Variants in CCPG1 observed in about 807,000 individuals in gnomAD.
CCPG1 encodes cell cycle progression 1, also known as cell cycle progression protein 1.
Under a neutral mutation model 81.3 loss-of-function variants are expected in CCPG1, and 46 were observed. The ratio of observed to expected loss-of-function variants is 0.57; its 90% CI spans 0.45 to 0.72. The LOEUF is 0.72. Ranked by LOEUF, CCPG1 falls within the 30% of genes least tolerant of loss-of-function variation. CCPG1 has a pLI of 0.00. For synonymous variants in CCPG1, 330 were observed against 305.2 expected (o/e 1.08, Z -0.85); for missense variants, 902 against 937.6 (o/e 0.96, Z 0.50).
rs191041675 is a variant in CCPG1, at chr15:55,360,906, A to G, written c.867T>C (p.Thr289=). Residue 289 remains threonine, a synonymous_variant, in exon 8 of 9, where the codon ACT becomes ACC. Coordinates refer to ENST00000442196, the MANE Select transcript of CCPG1 (RefSeq NM_001204450.2). The stretch of plus-strand genomic sequence containing the variant: ...TTTCAAAGGACATCTTCTCTGCTTC[A>G]GTAAGTGTCCAACACCTTGCAAGAT... ...KENLARCWTL[T]EAEKMSFETQ... is the part of the protein sequence containing the mutation. The G allele has an allele frequency of 1.2e-5, 19 of 1,587,718 alleles. No homozygotes were observed. The Admixed American group carries it at 3.4e-4, about 28-fold the overall frequency.
intron 1 of CCPG1, among the ~76,000 whole-genome samples, chr15:55,395,557 C>G (rs1214766997): frequency 6.6e-6 from 1 of 152,074 alleles, no homozygotes; most frequent in Non-Finnish European, 1.5e-5. Context: ...TTGGCTTTGT[C>G]TTTACTCCAG....
intron 3 of CCPG1, among the ~76,000 whole-genome samples, chr15:55,384,393 C>G (rs961539646): frequency 6.6e-6 from 1 of 152,210 alleles, no homozygotes; most frequent in Admixed American, 6.5e-5. Flanking sequence ...GGCGCAGTGG[C>G]TCACGCCTGT....
At position 55,402,167 on chromosome 15, in the gene CCPG1, T is replaced by G. The variant is rs572275302; in HGVS notation, c.-10+6054A>C. 1.4e-4 allele frequency among the ~76,000 whole-genome samples: 21 copies of G among 152,352 alleles called. No individual in the cohort carries two copies. The East Asian group carries it at 3.7e-3, about 27-fold the overall frequency. Reference sequence around the variant, plus strand: ...TTTTTTCCTTGAGCTACTTTATTAATTAGTATTAAGTTCAAAGTTTTGATA... The same window carrying G: ...TTTTTTCCTTGAGCTACTTTATTAAGTAGTATTAAGTTCAAAGTTTTGATA... On this transcript the variant is annotated intron_variant, in intron 1 of 8. Coordinates refer to ENST00000442196, the MANE Select transcript of CCPG1 (RefSeq NM_001204450.2).
intron 1 of CCPG1, among the ~76,000 whole-genome samples, chr15:55,400,096 A>C (rs2057098251): frequency 6.7e-6 from 1 of 149,460 alleles, no homozygotes; most frequent in Non-Finnish European, 1.5e-5. Context: ...AATCCCAGCT[A>C]CTCGGGAGGC....
intron 1 of CCPG1, among the ~76,000 whole-genome samples, chr15:55,395,826 C>A (rs917974830): frequency 6.6e-6 from 1 of 152,106 alleles, no homozygotes; most frequent in African/African-American, 2.4e-5. Context: ...AAGGTAACCA[C>A]GTCTGGGTGA....
In CCPG1 at chr15:55,360,735, T is replaced by C; in HGVS notation, c.1038A>G (p.Glu346=). The stretch of plus-strand genomic sequence containing the variant: ...TAAGTTTCTGATTTTCTTTAACTAA[T>C]TCAGTACTTGTCCCTTTATCTTCCA... The part of the protein sequence containing the change: ...RILEDKGTST[E]LVKENQKLKQ... Residue 346 remains glutamate (E), a synonymous_variant, in exon 8 of 9, where the codon GAA becomes GAG. Transcript: ENST00000442196. The C allele has an allele frequency of 6.2e-7, 1 of 1,612,110 alleles. No individual in the cohort carries two copies. Among genetic ancestry groups the C allele is most frequent in the South Asian group, 1.1e-5 (1 of 90,536 alleles).
At chr15:55,407,671 G>A (rs1280747701) in intron 1 of CCPG1, among the ~76,000 whole-genome samples, 2 of 152,204 alleles carry the variant, frequency 1.3e-5, no homozygotes, top group African/African-American at 2.4e-5. Context: ...GGAGGCCACT[G>A]GAACTGGAGA....
chr15:55,357,962 TTGTG>T (rs2056116346), intron 8 of CCPG1: 1 of 152,278 alleles, frequency 6.6e-6, no homozygotes, highest in South Asian at 2.1e-4. Context: ...CATCCTTTTC[TTGTG>T]TATTTACACT....
intron 2 of CCPG1, among the ~76,000 whole-genome samples, chr15:55,386,944 T>C (rs1313438899): frequency 6.6e-6 from 1 of 151,388 alleles, no homozygotes; most frequent in East Asian, 1.9e-4. Flanking sequence ...TGAGCCCTAA[T>C]GAGAATTCGG....
intron 8 of CCPG1, chr15:55,357,587 C>A (rs184041137): frequency 1.9e-4 from 43 of 227,248 alleles, no homozygotes; most frequent in African/African-American, 9.1e-4. Flanking sequence ...CAGTGGCTCA[C>A]GACTGTAATC....
rs753198827 is a variant in CCPG1 at position 55,359,896 on chromosome 15, C to G, written c.1877G>C (p.Arg626Thr). The change falls in exon 8 of 9, where the codon AGA becomes ACA. Residue 626 changes from arginine to threonine, a missense_variant. Physicochemically the swap from Arg to Thr is moderately conservative, Grantham distance 71 (BLOSUM62 -1). This residue lies in a region of CCPG1 where 746 missense variants were observed against 728.6 expected (regional missense o/e 1.02). Coordinates refer to ENST00000442196, the MANE Select transcript of CCPG1 (RefSeq NM_001204450.2). ...ATCAAATACACCAGAACAAGCCTTTCTGAAAGAATGAGAATTTTCTCTACA... is the reference window on the plus strand; with the variant it reads ...ATCAAATACACCAGAACAAGCCTTTGTGAAAGAATGAGAATTTTCTCTACA... ...HDCRENSHSFRKACSGVFDCA... is the reference protein window; with the variant it reads ...HDCRENSHSFTKACSGVFDCA... 1.2e-6 allele frequency: 2 copies of G among 1,613,792 alleles called. No individual in the cohort carries two copies. The highest frequency in any genetic ancestry group is 1.7e-6 in the Non-Finnish European group (2 of 1,179,974).
At chr15:55,400,203 CAAAAAA>C (rs61331208) in intron 1 of CCPG1, among the ~76,000 whole-genome samples, 2 of 32,952 alleles carry the variant, frequency 6.1e-5, no homozygotes, top group Admixed American at 4.6e-4. Flanking sequence ...TACTCTACCT[CAAAAAA>C]AAAAAAAAAA....
At chr15:55,363,589 C>G (rs1238016348) in intron 7 of CCPG1, among the ~76,000 whole-genome samples, 2 of 150,384 alleles carry the variant, frequency 1.3e-5, no homozygotes, top group African/African-American at 4.9e-5. Context: ...TGCCGCCAGT[C>G]TCCTCTGATG....
Position 55,374,124 on chromosome 15 carries a change from T to G in CCPG1, c.455-2080A>C, listed in dbSNP as rs1027081876. ...AAATGTGACTAGGCACACTCAGCTC[T>G]AGAGAAGCTGGTCAGATTTAGTCAC... On this transcript the variant is annotated intron_variant, in intron 5 of 8. Coordinates refer to ENST00000442196, the MANE Select transcript of CCPG1 (RefSeq NM_001204450.2). 2.5e-6 allele frequency: 3 copies of G among 1,204,140 alleles called. No homozygotes were observed. In the African/African-American group the frequency reaches 4.7e-5, roughly 19 times the overall value. 74.6% of individuals were successfully genotyped at this position (1,204,140 alleles called of 1,614,324 possible).
chr15:55,370,887 A>C (rs868241495), intron 6 of CCPG1, among the ~76,000 whole-genome samples: 1 of 81,552 alleles, frequency 1.2e-5, no homozygotes, highest in Non-Finnish European at 2.2e-5. Context: ...AAAAAAAAGA[A>C]AAAAAAAAAA....
chr15:55,355,510 A>T lies in CCPG1; in HGVS notation c.*710T>A. The T allele has an allele frequency of 8.4e-7, 1 of 1,197,170 alleles. No homozygotes were observed. 74.2% of individuals were successfully genotyped at this position (1,197,170 alleles called of 1,614,324 possible). Reference sequence around the variant, plus strand: ...AATACTTCGGTAAACACTGGGTAAGATTCATGGAACTTAGAAAAAAGCTGT... The same window carrying T: ...AATACTTCGGTAAACACTGGGTAAGTTTCATGGAACTTAGAAAAAAGCTGT... On this transcript the variant is annotated 3_prime_UTR_variant, in exon 9 of 9. Coordinates refer to ENST00000442196, the MANE Select transcript of CCPG1 (RefSeq NM_001204450.2).
At chr15:55,361,242 A>G (rs772991489) in intron 7 of CCPG1, among the ~76,000 whole-genome samples, 55 of 151,002 alleles carry the variant, frequency 3.6e-4, no homozygotes, top group Non-Finnish European at 6.5e-4. Flanking sequence ...ATCTCGGCTC[A>G]CTATAACCTC....
Position 55,360,024 on chromosome 15 carries a change from A to G in CCPG1, c.1749T>C (p.Asn583=). Residue 583 remains asparagine (N), a synonymous_variant, in exon 8 of 9, where the codon AAT becomes AAC. Coordinates refer to ENST00000442196, the MANE Select transcript of CCPG1 (RefSeq NM_001204450.2). The stretch of plus-strand genomic sequence containing the variant: ...CATCATTTTGCATAGTAGGGCCTCT[A>G]TTATGATGGTTTTCTGTAGGTGCCT... ...QYKAPTENHH[N]RGPTMQNDGR... 1.9e-6 allele frequency: 3 copies of G among 1,613,558 alleles called. No individual in the cohort carries two copies. The highest frequency in any genetic ancestry group is 2.2e-5 in the East Asian group (1 of 44,862).
chr15:55,373,004 T>C (rs776423775), intron 5 of CCPG1: 12 of 534,626 alleles, frequency 2.2e-5, no homozygotes, highest in African/African-American at 3.8e-5. Flanking sequence ...CTAGTAAATA[T>C]GTCAGCATGA....
Sources: gnomAD v4.1 joint callset for allele counts (sites outside exome capture counted in the v4.1 genomes callset) on GRCh38, gnomAD v4.1.1 for gene constraint, gnomAD v4.1.1 regional missense constraint, MANE v1.5 for transcripts, NCBI Gene and HGNC (gene_info 2026-07-23, HGNC 2026-07-21) for gene names.